Variants in CPA6 observed in about 807,000 individuals in gnomAD.
CPA6 encodes the protein carboxypeptidase B.
Under a neutral mutation model 63.3 loss-of-function variants are expected in CPA6, and 58 were observed. The observed-to-expected ratio is 0.92, with a 90% CI of 0.74 to 1.14. CPA6 has a LOEUF of 1.14. Among genes scored for constraint, CPA6 ranks in the 50% most tolerant of loss-of-function variants. The pLI is 0.00. For synonymous variants in CPA6, 185 were observed against 179.0 expected, an observed-to-expected ratio of 1.03 and a Z score of -0.27; for missense variants, 565 against 526.6, an observed-to-expected ratio of 1.07 and a Z score of -0.71.
chr8:67,639,231 G>A (rs149422772), intron 1 of CPA6, among the ~76,000 whole-genome samples: 1 of 151,692 alleles, frequency 6.6e-6, no homozygotes, highest in African/African-American at 2.4e-5. Flanking sequence ...GATTCTTGGG[G>A]TGTTGCTTCA....
chr8:67,503,346 G>A (rs1811865422), intron 6 of CPA6, among the ~76,000 whole-genome samples: 1 of 152,066 alleles, frequency 6.6e-6, no homozygotes, highest in Non-Finnish European at 1.5e-5. Context: ...GCCCAGGCTG[G>A]AGTGCAGTAG....
At chr8:67,676,499 T>C (rs560750528) in intron 1 of CPA6, among the ~76,000 whole-genome samples, 44 of 152,364 alleles carry the variant, frequency 2.9e-4, no homozygotes, top group African/African-American at 9.6e-4. Flanking sequence ...TCAAAAGGCG[T>C]AGCTTGTGTC....
intron 8 of CPA6, among the ~76,000 whole-genome samples, chr8:67,482,109 A>G (rs555944467): frequency 6.6e-6 from 1 of 152,370 alleles, no homozygotes; most frequent in East Asian, 1.9e-4. Flanking sequence ...TGAAGGAAGC[A>G]AGCTGGGTAA....
intron 2 of CPA6, among the ~76,000 whole-genome samples, chr8:67,561,418 G>A (rs928826542): frequency 2.0e-5 from 3 of 152,136 alleles, no homozygotes. Context: ...GATTGGATAC[G>A]ATGAAAACAT....
chr8:67,458,828 CA>C (rs1387596545), intron 8 of CPA6, among the ~76,000 whole-genome samples: 1 of 152,094 alleles, frequency 6.6e-6, no homozygotes, highest in Non-Finnish European at 1.5e-5. Context: ...AGGGAAATTC[CA>C]ATTAAAACAA....
intron 2 of CPA6, among the ~76,000 whole-genome samples, chr8:67,619,167 C>T (rs1309393108): frequency 6.6e-6 from 1 of 152,138 alleles, no homozygotes; most frequent in African/African-American, 2.4e-5. Context: ...TGCATGTAGT[C>T]CAATTACTTT....
At chr8:67,467,158 A>G (rs776742202) in intron 8 of CPA6, among the ~76,000 whole-genome samples, 1 of 152,068 alleles carries the variant, frequency 6.6e-6, no homozygotes, top group South Asian at 2.1e-4. Context: ...TTTATAATGT[A>G]TTTTCAAAAC....
intron 1 of CPA6, among the ~76,000 whole-genome samples, chr8:67,673,350 C>G (rs1296309072): frequency 3.5e-5 from 4 of 115,698 alleles, no homozygotes; most frequent in Non-Finnish European, 3.4e-5. Flanking sequence ...TAATCTCTTT[C>G]AATTTATTAT....
At chr8:67,646,244 T>G (rs78734310) in intron 1 of CPA6, among the ~76,000 whole-genome samples, 100 of 152,324 alleles carry the variant, frequency 6.6e-4, no homozygotes, top group Middle Eastern at 3.4e-3. Flanking sequence ...AGAAAAGACA[T>G]GAAGATTCCT....
chr8:67,654,384 T>G (rs898583006), intron 1 of CPA6, among the ~76,000 whole-genome samples: 15 of 152,352 alleles, frequency 9.8e-5, no homozygotes, highest in South Asian at 8.3e-4. Flanking sequence ...TGGACTCTTT[T>G]TGTTGGTAAG....
chr8:67,463,271 C>CT (rs1356093344), intron 8 of CPA6, among the ~76,000 whole-genome samples: 2 of 152,008 alleles, frequency 1.3e-5, no homozygotes, highest in African/African-American at 4.8e-5. Context: ...TGGTGAAACT[C>CT]TGTCTCCACT....
At chr8:67,648,595 T>C (rs1318545768) in intron 1 of CPA6, among the ~76,000 whole-genome samples, 2 of 152,216 alleles carry the variant, frequency 1.3e-5, no homozygotes, top group African/African-American at 4.8e-5. Flanking sequence ...AGTAAGCCAA[T>C]ACAGGGTCTG....
chr8:67,567,229 T>C (rs1813359784), intron 2 of CPA6, among the ~76,000 whole-genome samples: 1 of 152,150 alleles, frequency 6.6e-6, no homozygotes. Context: ...GGATATCAGA[T>C]ACATGGGCCT....
chr8:67,532,079 C>A (rs1415126899), intron 2 of CPA6, among the ~76,000 whole-genome samples: 1 of 150,516 alleles, frequency 6.6e-6, no homozygotes, highest in Non-Finnish European at 1.5e-5. Context: ...ATGTCTAAAC[C>A]AAGAAATTAG....
intron 1 of CPA6, among the ~76,000 whole-genome samples, chr8:67,668,378 G>A (rs1019891437): frequency 3.3e-5 from 5 of 152,262 alleles, no homozygotes; most frequent in Non-Finnish European, 7.3e-5. Flanking sequence ...TCTGTTGTCC[G>A]TTAGTTACAC....
intron 2 of CPA6, among the ~76,000 whole-genome samples, chr8:67,593,941 T>G (rs1352964343): frequency 1.3e-5 from 2 of 148,896 alleles, no homozygotes; most frequent in African/African-American, 2.5e-5. Context: ...GCTAGCTGGT[T>G]ATTTTGCTCG....
chr8:67,424,223 A>G (rs1160232943), intron 10 of CPA6, among the ~76,000 whole-genome samples: 5 of 152,210 alleles, frequency 3.3e-5, no homozygotes, highest in Admixed American at 2.6e-4. Flanking sequence ...TTATTTCATT[A>G]TATATTACAG....
At chr8:67,490,542 C>T (rs190641840) in intron 6 of CPA6, among the ~76,000 whole-genome samples, 35 of 152,186 alleles carry the variant, frequency 2.3e-4, no homozygotes, top group African/African-American at 8.2e-4. Context: ...GCAATTTTTT[C>T]AATTAAAAGA....
chr8:67,665,430 G>A (rs1247662198), intron 1 of CPA6, among the ~76,000 whole-genome samples: 1 of 152,102 alleles, frequency 6.6e-6, no homozygotes, highest in East Asian at 1.9e-4. Flanking sequence ...ACATCTCTCA[G>A]GAAACTGTCA....
Sources: allele counts gnomAD v4.1 joint callset (sites outside exome capture counted in the v4.1 genomes callset), GRCh38; gene constraint gnomAD v4.1.1; transcripts MANE v1.5; gene names NCBI Gene and HGNC (gene_info 2026-07-23, HGNC 2026-07-21).